CFAP54: variants seen among roughly 807,000 people sequenced by gnomAD.
CFAP54 encodes cilia and flagella associated protein 54.
CFAP54 carries 290 observed loss-of-function variants against 370.4 expected under a neutral mutation model. The ratio of observed to expected loss-of-function variants is 0.78; its 90% CI spans 0.71 to 0.86. The LOEUF is 0.86. Among genes scored for constraint, CFAP54 ranks in the 40% least tolerant of loss-of-function variants. The pLI, the probability that CFAP54 is intolerant of heterozygous loss-of-function variation, is 0.00. For synonymous variants in CFAP54, 1,206 were observed against 1,236.5 expected (o/e 0.98, Z 0.52); for missense variants, 3,399 against 3,528.7 (o/e 0.96, Z 0.93).
At chr12:96,661,554 A>G (rs11108627) in intron 38 of CFAP54, among the ~76,000 whole-genome samples, 1,619 of 152,306 alleles carry the variant, frequency 0.011, 16 homozygotes, top group Non-Finnish European at 0.015. Context: ...GTGAGGGAAG[A>G]TCCAGCCAGT....
intron 58 of CFAP54, among the ~76,000 whole-genome samples, chr12:96,761,451 G>T (rs569276173): frequency 6.6e-6 from 1 of 152,114 alleles, no homozygotes; most frequent in East Asian, 1.9e-4. Context: ...TGTTAGTAGT[G>T]TCTTTGGAGG....
intron 38 of CFAP54, among the ~76,000 whole-genome samples, chr12:96,659,295 G>A (rs1373628784): frequency 2.0e-5 from 3 of 151,926 alleles, no homozygotes; most frequent in Non-Finnish European, 2.9e-5. Flanking sequence ...CAACACGCCC[G>A]GCTAATTTTT....
At chr12:96,507,695 A>G (rs1025501092) in intron 4 of CFAP54, among the ~76,000 whole-genome samples, 1 of 152,214 alleles carries the variant, frequency 6.6e-6, no homozygotes, top group African/African-American at 2.4e-5. Context: ...TTAAAAGGAA[A>G]ATATTGACAG....
chr12:96,643,034 C>T (rs888017737), intron 32 of CFAP54, among the ~76,000 whole-genome samples: 6 of 152,094 alleles, frequency 3.9e-5, no homozygotes, highest in Admixed American at 6.6e-5. Flanking sequence ...GAAGATGCAA[C>T]CGATTGTTGA....
At chr12:96,788,672 T>A (rs200688759) in intron 62 of CFAP54, among the ~76,000 whole-genome samples, 11 of 149,462 alleles carry the variant, frequency 7.4e-5, no homozygotes, top group East Asian at 7.1e-4. Context: ...CATTTTTTTT[T>A]TTAAAAATCA....
At position 96,539,064 on chromosome 12, in the gene CFAP54, G is replaced by GGT. The variant is rs1555229705; in HGVS notation, c.1926+546_1926+547insGT. Among the ~76,000 whole-genome samples, 85 of 111,830 alleles carry GGT rather than the reference G, an allele frequency of 7.6e-4. 2 individuals are homozygous for GGT. Among genetic ancestry groups the GGT allele is most frequent in the African/African-American group, 2.9e-3 (83 of 28,312 alleles). The allele number at this position is 111,830 out of a possible 152,430, so 73.4% of individuals were successfully genotyped here. A position where few individuals can be genotyped will look rare whatever the true frequency, so the allele number is the denominator to read the frequency against. On this transcript the variant is annotated intron_variant, in intron 13 of 67. Coordinates refer to ENST00000524981, the MANE Select transcript of CFAP54 (RefSeq NM_001306084.2). ...GAGCCACCACGCCCGGCCTTTTCAG[G>GGT]TTTTTTTTTTTTTGTTTTTGTTTTT...
chr12:96,851,895 A>G (rs1464181959), intron 66 of CFAP54, among the ~76,000 whole-genome samples: 3 of 152,052 alleles, frequency 2.0e-5, no homozygotes, highest in Non-Finnish European at 2.9e-5. Flanking sequence ...ATAAAGGAAG[A>G]ATTTTTAACA....
At chr12:96,770,922 C>A (rs1013529892) in intron 60 of CFAP54, among the ~76,000 whole-genome samples, 6 of 152,232 alleles carry the variant, frequency 3.9e-5, no homozygotes, top group Admixed American at 1.3e-4. Context: ...ACTTAAAATG[C>A]AGAATTGATG....
chr12:96,495,445 A>T (rs1954940766), intron 1 of CFAP54, among the ~76,000 whole-genome samples: 1 of 150,832 alleles, frequency 6.6e-6, no homozygotes. Context: ...CCTCGTTGGT[A>T]GCTGGACTAT....
At chr12:96,749,260 C>G (rs1958156089) in intron 55 of CFAP54, among the ~76,000 whole-genome samples, 1 of 152,186 alleles carries the variant, frequency 6.6e-6, no homozygotes, top group Admixed American at 6.5e-5. Flanking sequence ...GGCAGACAGG[C>G]TTTCTCAAGT....
intron 47 of CFAP54, 109 bp downstream of exon 47, chr12:96,704,905 T>C: frequency 2.6e-6 from 1 of 380,312 alleles, no homozygotes; most frequent in Non-Finnish European, 4.9e-6. Context: ...ATCTGCTGTG[T>C]AATATTCTTT....
At position 96,534,431 on chromosome 12, in the gene CFAP54, C is replaced by T. The variant is rs547991548; in HGVS notation, c.1705+204C>T. On this transcript the variant is annotated intron_variant, in intron 11 of 67. Coordinates refer to ENST00000524981, the MANE Select transcript of CFAP54 (RefSeq NM_001306084.2). ...TGACAAGGTTAGAGAAGTAGCTAGG[C>T]GCTAGATGATGTAGTTCCTGGGCTT... is the stretch of plus-strand genomic sequence containing the variant. 1.6e-3 allele frequency among the ~76,000 whole-genome samples: 250 copies of T among 152,148 alleles called. 1 individual carries two copies. The highest frequency in any genetic ancestry group is 5.4e-3 in the African/African-American group (225 of 41,500).
intron 19 of CFAP54, 165 bp downstream of exon 19, chr12:96,564,930 C>A: frequency 5.4e-6 from 2 of 373,282 alleles, no homozygotes; most frequent in Non-Finnish European, 4.7e-6. Context: ...ATTCGTACCT[C>A]CAGTTCTGAA....
At chr12:96,742,404 A>C in intron 51 of CFAP54, 35 bp from the exon 52 acceptor site, 1 of 1,488,220 alleles carries the variant, frequency 6.7e-7, no homozygotes, top group Non-Finnish European at 9.3e-7. Flanking sequence ...GACATTATTA[A>C]ATGGAAAGAT....
intron 63 of CFAP54, among the ~76,000 whole-genome samples, chr12:96,806,753 A>G (rs949408146): frequency 2.0e-5 from 3 of 152,086 alleles, no homozygotes; most frequent in African/African-American, 7.2e-5. Context: ...TGACCATGCA[A>G]TTAGCTGGAG....
chr12:96,625,415 C>T (rs561761625), intron 28 of CFAP54, among the ~76,000 whole-genome samples: 1 of 152,098 alleles, frequency 6.6e-6, no homozygotes, highest in East Asian at 1.9e-4. Flanking sequence ...ATTTCTGAGT[C>T]TTGGGTTTGC....
At chr12:96,677,477 G>C (rs1015406010) in intron 39 of CFAP54, among the ~76,000 whole-genome samples, 7 of 152,282 alleles carry the variant, frequency 4.6e-5, no homozygotes, top group Admixed American at 3.9e-4. Flanking sequence ...TAGAGAAACA[G>C]AGCAGAAACC....
intron 60 of CFAP54, 32 bp from the exon 61 acceptor site, chr12:96,784,685 T>C (rs754427622): frequency 5.9e-5 from 84 of 1,429,824 alleles, no homozygotes; most frequent in Non-Finnish European, 7.4e-5. Flanking sequence ...TAATATAATA[T>C]TGTATTACAA....
intron 67 of CFAP54, among the ~76,000 whole-genome samples, chr12:96,873,974 A>G (rs970773327): frequency 6.6e-6 from 1 of 152,170 alleles, no homozygotes; most frequent in Non-Finnish European, 1.5e-5. Context: ...TCTCCGTAGC[A>G]TATGTTCTCT....
Sources: allele counts gnomAD v4.1 joint callset (sites outside exome capture counted in the v4.1 genomes callset), GRCh38; gene constraint gnomAD v4.1.1; transcripts MANE v1.5; gene names NCBI Gene and HGNC (gene_info 2026-07-23, HGNC 2026-07-21).